Variants in CREM observed in about 807,000 individuals in gnomAD.
CREM encodes the protein cAMP-responsive element modulator.
CREM carries 13 observed loss-of-function variants against 37.3 expected under a neutral mutation model. The observed-to-expected ratio is 0.35, with a 90% confidence interval of 0.23 to 0.55. The LOEUF is 0.55. Ranked by LOEUF, CREM falls within the 20% of genes least tolerant of loss-of-function variation. The probability of loss-of-function intolerance (pLI) is 0.88; values close to 1 mark genes in which losing one functional copy is unlikely to be tolerated. For synonymous variants in CREM, 124 were observed against 120.2 expected (o/e 1.03, Z -0.21); for missense variants, 296 against 362.3 (o/e 0.82, Z 1.49).
chr10:35,172,419 ATGT>A (rs981565802), intron 3 of CREM, among the ~76,000 whole-genome samples: 1 of 152,174 alleles, frequency 6.6e-6, no homozygotes, highest in Non-Finnish European at 1.5e-5. Context: ...TGATGCTAAG[ATGT>A]TGTTTTTCTT....
At chr10:35,204,073 AAAG>A (rs2095457617) in intron 6 of CREM, among the ~76,000 whole-genome samples, 1 of 152,208 alleles carries the variant, frequency 6.6e-6, no homozygotes, top group Non-Finnish European at 1.5e-5. Context: ...TGAAGAGAAA[AAAG>A]AGGAGAGCTA....
In CREM at chr10:35,171,033, A is replaced by G. The variant is rs540203427; in HGVS notation, c.169-7856A>G. On this transcript the variant is annotated intron_variant, in intron 3 of 7. Coordinates refer to ENST00000685392, the MANE Select transcript of CREM (RefSeq NM_183011.2). ...TGTCTCATGAGCTTTTGGCCTGCCT[A>G]GAGTTTGGACATATGGAAGTTTCCT... Among the ~76,000 whole-genome samples, 11 of 152,188 alleles carry G rather than the reference A, an allele frequency of 7.2e-5. No homozygotes were observed. In the East Asian group the frequency reaches 1.7e-3, roughly 24 times the overall value.
intron 6 of CREM, among the ~76,000 whole-genome samples, chr10:35,205,009 T>C (rs1242102646): frequency 1.3e-5 from 2 of 152,240 alleles, no homozygotes; most frequent in South Asian, 2.1e-4. Context: ...GCAATTGTTA[T>C]AGAATTTGAT....
chr10:35,179,046 A>G lies in CREM; in HGVS notation c.266+60A>G. On this transcript the variant is annotated intron_variant, in intron 4 of 7. Transcript: ENST00000685392. Reference sequence around the variant, plus strand: ...TTTTCCAAAATGGTAGAATAATTATACATCAAATCAATTCTTCCTTTATAG... The same window carrying G: ...TTTTCCAAAATGGTAGAATAATTATGCATCAAATCAATTCTTCCTTTATAG... 3 of 1,535,624 alleles carry G rather than the reference A, an allele frequency of 2.0e-6. No individual in the cohort carries two copies. The South Asian group carries it at 3.6e-5, about 18-fold the overall frequency.
At chr10:35,195,737 A>G in intron 6 of CREM, 1 of 391,248 alleles carries the variant, frequency 2.6e-6, no homozygotes. Context: ...TTCCTCCTGT[A>G]TTTAAAATGG....
chr10:35,196,159 G>C, intron 6 of CREM: 1 of 1,572,174 alleles, frequency 6.4e-7, no homozygotes, highest in Admixed American at 1.7e-5. Flanking sequence ...AATGGATTAT[G>C]TATTGTATAA....
intron 6 of CREM, among the ~76,000 whole-genome samples, chr10:35,204,390 G>A (rs1225178683): frequency 4.6e-5 from 7 of 151,918 alleles, no homozygotes; most frequent in African/African-American, 7.3e-5. Flanking sequence ...TCACGAGGTC[G>A]GGAGATCAAG....
At chr10:35,147,267 A>G (rs1352798024) in intron 2 of CREM, among the ~76,000 whole-genome samples, 2 of 151,808 alleles carry the variant, frequency 1.3e-5, no homozygotes, top group African/African-American at 4.8e-5. Flanking sequence ...GTTAGCCAGG[A>G]TGGTCTCGAT....
At chr10:35,187,123 AAT>A (rs1452189455) in intron 5 of CREM, among the ~76,000 whole-genome samples, 1 of 76,136 alleles carries the variant, frequency 1.3e-5, no homozygotes, top group Non-Finnish European at 2.3e-5. Flanking sequence ...TAAATATATA[AAT>A]ATATTAATAT....
rs1284664636 is a variant in CREM, at chr10:35,163,510, C to A, written c.168+15019C>A. ...ACCAGCCTGTACAACATAGGGAGAC[C>A]ATGTCTCTATGAAAAATTAAAAACT... On this transcript the variant is annotated intron_variant, in intron 3 of 7. Transcript: ENST00000685392. 3.9e-5 allele frequency among the ~76,000 whole-genome samples: 6 copies of A among 152,150 alleles called. No individual in the cohort carries two copies. The East Asian group carries it at 1.2e-3, about 29-fold the overall frequency.
intron 2 of CREM, among the ~76,000 whole-genome samples, chr10:35,139,271 C>T (rs1589297892): frequency 1.3e-5 from 2 of 152,022 alleles, no homozygotes; most frequent in African/African-American, 4.8e-5. Flanking sequence ...AGGTGCGTGC[C>T]GCCACACCCA....
intron 7 of CREM, among the ~76,000 whole-genome samples, chr10:35,207,352 C>T (rs1216689259): frequency 1.3e-5 from 2 of 151,846 alleles, no homozygotes; most frequent in Non-Finnish European, 2.9e-5. Flanking sequence ...CAAGATCGTG[C>T]CACTGCACTC....
In CREM at chr10:35,211,627, G is replaced by A. The variant is rs2095666889; in HGVS notation, c.*229G>A. On this transcript the variant is annotated 3_prime_UTR_variant, in exon 8 of 8. Transcript: ENST00000685392. ...GTCAATAGCATGCAAAAAATGCTTTGTTTGCCCTTTGCTTCTGCTTTTTTT... is the reference window on the plus strand; with the variant it reads ...GTCAATAGCATGCAAAAAATGCTTTATTTGCCCTTTGCTTCTGCTTTTTTT... 1 of 1,605,230 alleles carries A rather than the reference G, an allele frequency of 6.2e-7. No homozygotes were observed. Among genetic ancestry groups the A allele is most frequent in the Admixed American group, 1.7e-5 (1 of 58,202 alleles).
intron 3 of CREM, chr10:35,154,140 G>A: frequency 2.5e-6 from 1 of 398,496 alleles, no homozygotes. Context: ...GATTTAACAA[G>A]GGATACTTGG....
Position 35,128,559 on chromosome 10 carries a change from T to G in CREM, c.-55+1366T>G, listed in dbSNP as rs1224658135. On this transcript the variant is annotated intron_variant, in intron 1 of 7. Coordinates refer to ENST00000685392, the MANE Select transcript of CREM (RefSeq NM_183011.2). Reference sequence around the variant, plus strand: ...TTTTTTTTTTGAGACGGGGTCTCGCTCTGTCGCCCAGGCTGGAGTGCAGTG... The same window carrying G: ...TTTTTTTTTTGAGACGGGGTCTCGCGCTGTCGCCCAGGCTGGAGTGCAGTG... Among the ~76,000 whole-genome samples the G allele has an allele frequency of 2.7e-5, 4 of 147,820 alleles. No homozygotes were observed. In the East Asian group the frequency reaches 8.0e-4, roughly 29 times the overall value.
Position 35,127,149 on chromosome 10 carries a change from C to G in CREM, c.-99C>G, listed in dbSNP as rs1389613928. 1 of 152,676 alleles carries G rather than the reference C, an allele frequency of 6.5e-6. No homozygotes were observed. Among genetic ancestry groups the G allele is most frequent in the Non-Finnish European group, 1.5e-5 (1 of 68,078 alleles). The allele number at this position is 152,676 out of a possible 1,614,324, so 9.5% of individuals were successfully genotyped here. On this transcript the variant is annotated 5_prime_UTR_variant, in exon 1 of 8. Transcript: ENST00000685392. ...GCTCGCCGTCTCCACCTCCTCGCGT[C>G]CGTAATCAGTGACGAGGTCCGCTAC...
chr10:35,170,119 C>T (rs569312523), intron 3 of CREM, among the ~76,000 whole-genome samples: 7 of 152,148 alleles, frequency 4.6e-5, no homozygotes, highest in African/African-American at 1.7e-4. Context: ...CCCGCCACCA[C>T]ACCCGGCTAA....
intron 2 of CREM, among the ~76,000 whole-genome samples, chr10:35,139,910 G>GA (rs2091198503): frequency 1.3e-5 from 2 of 152,160 alleles, no homozygotes; most frequent in African/African-American, 4.8e-5. Context: ...TTTCTGCTGA[G>GA]ATAGTGCCTG....
At chr10:35,169,595 C>G (rs1371124821) in intron 3 of CREM, among the ~76,000 whole-genome samples, 3 of 152,128 alleles carry the variant, frequency 2.0e-5, no homozygotes, top group African/African-American at 7.2e-5. Context: ...TTTCTTTCTC[C>G]TGCCTGATTG....
Sources: allele counts gnomAD v4.1 joint callset (sites outside exome capture counted in the v4.1 genomes callset), GRCh38; gene constraint gnomAD v4.1.1; transcripts MANE v1.5; gene names NCBI Gene and HGNC (gene_info 2026-07-23, HGNC 2026-07-21).